PGM3: variants seen among roughly 807,000 people sequenced by gnomAD.
PGM3 encodes the protein phosphoacetylglucosamine mutase.
A neutral mutation model predicts 66.2 loss-of-function variants in PGM3; 40 were observed. That is an observed-to-expected ratio of 0.60 (90% CI 0.47 to 0.79). The LOEUF (loss-of-function observed/expected upper bound fraction) is 0.79, where lower values mean the gene tolerates loss of function less well. PGM3 is among the 30% of genes least tolerant of loss of function. PGM3 has a pLI of 0.00. For missense variants in PGM3, 537 were observed against 643.4 expected (o/e 0.83, Z 1.79); for synonymous variants, 191 against 224.2 (o/e 0.85, Z 1.32).
intron 9 of PGM3, among the ~76,000 whole-genome samples, 199 bp from the exon 10 acceptor site, chr6:83,174,686 AT>A (rs916780404): frequency 6.6e-6 from 1 of 152,178 alleles, no homozygotes; most frequent in Non-Finnish European, 1.5e-5. Flanking sequence ...GAAAAATTTT[AT>A]TTGCGGATTA....
intron 4 of PGM3, 42 bp from the exon 5 acceptor site, chr6:83,183,020 CAA>C (rs1473923421): frequency 1.3e-6 from 2 of 1,586,748 alleles, no homozygotes; most frequent in East Asian, 2.3e-5. Context: ...CATTTCTTAA[CAA>C]AGAGAAAAAA....
intron 4 of PGM3, among the ~76,000 whole-genome samples, chr6:83,185,911 C>A (rs1450609946): frequency 1.3e-5 from 2 of 152,106 alleles, no homozygotes; most frequent in Admixed American, 6.5e-5. Context: ...GAGGAGCCAA[C>A]AGAGAAGACC....
intron 8 of PGM3, among the ~76,000 whole-genome samples, chr6:83,178,113 G>A (rs1200665256): frequency 6.6e-6 from 1 of 152,104 alleles, no homozygotes; most frequent in East Asian, 1.9e-4. Context: ...TTTAACACTA[G>A]TCCTCAAATA....
At chr6:83,154,226 T>G in the PGM3 span, 1 of 1,613,764 alleles carries the variant, frequency 6.2e-7, no homozygotes, top group Non-Finnish European at 8.5e-7. Flanking sequence ...TAAAACAACA[T>G]TTAGAGATTT....
Position 83,166,216 on chromosome 6 carries a change from T to A in PGM3, c.*3018A>T, listed in dbSNP as rs2128456065. On this transcript the variant is annotated 3_prime_UTR_variant, in exon 13 of 13. Transcript: ENST00000513973. ...TTTCACCTTTTCAATTTGCTTCAAA[T>A]GCCGAACGACCATAAAATGGTCAAC... The A allele has an allele frequency of 2.0e-6, 1 of 509,404 alleles. No individual in the cohort carries two copies. Among genetic ancestry groups the A allele is most frequent in the East Asian group, 3.0e-5 (1 of 33,512 alleles). The allele number at this position is 509,404 out of a possible 1,614,324, so 31.6% of individuals were successfully genotyped here.
chr6:83,165,081 A>C lies in PGM3; in HGVS notation c.*4153T>G, dbSNP rs548782252. ...GGAAGTTAGCTATATAGAGGGTACA[A>C]GGATATTCATTTTCCTTCAGGACAA... On this transcript the variant is annotated 3_prime_UTR_variant, in exon 13 of 13. Coordinates refer to ENST00000513973, the MANE Select transcript of PGM3 (RefSeq NM_015599.3). 2 of 177,124 alleles carry C rather than the reference A, an allele frequency of 1.1e-5. No individual in the cohort carries two copies. Among genetic ancestry groups the C allele is most frequent in the East Asian group, 3.2e-4 (2 of 6,176 alleles). The allele number at this position is 177,124 out of a possible 1,614,324, so 11.0% of individuals were successfully genotyped here. A position where few individuals can be genotyped will look rare whatever the true frequency, so the allele number is the denominator to read the frequency against.
chr6:83,178,563 C>T (rs966296047), intron 8 of PGM3, 110 bp downstream of exon 8: 4 of 704,620 alleles, frequency 5.7e-6, no homozygotes, highest in Non-Finnish European at 1.0e-5. Context: ...ACATGAACAG[C>T]AGCTCAGCTT....
the PGM3 span, chr6:83,151,866 C>T: frequency 6.2e-7 from 1 of 1,611,920 alleles, no homozygotes. Context: ...CATAGTTGTT[C>T]TTCCTTATTT....
At chr6:83,191,134 C>T (rs1414992811) in intron 1 of PGM3, 120 bp from the exon 2 acceptor site, 38 of 1,472,338 alleles carry the variant, frequency 2.6e-5, no homozygotes, top group Non-Finnish European at 3.4e-5. Context: ...TCAAAGAACC[C>T]TATGTTTGAC....
downstream of PGM3, chr6:83,157,057 AGTTTT>A (rs1352216846): frequency 2.4e-6 from 2 of 832,906 alleles, no homozygotes; most frequent in Non-Finnish European, 3.6e-6. Flanking sequence ...TATCTACAAC[AGTTTT>A]GAATTTTTTT....
intron 3 of PGM3, among the ~76,000 whole-genome samples, chr6:83,187,816 A>T (rs1328710575): frequency 6.6e-6 from 1 of 152,220 alleles, no homozygotes; most frequent in Non-Finnish European, 1.5e-5. Flanking sequence ...AAAATAAAAA[A>T]TAATAAAAAA....
At chr6:83,150,103 G>A in the PGM3 span, among the ~76,000 whole-genome samples, 11 of 152,258 alleles carry the variant, frequency 7.2e-5, no homozygotes, top group South Asian at 2.1e-4. Flanking sequence ...AGCCACATGC[G>A]GTGGCTCATG....
the PGM3 span, among the ~76,000 whole-genome samples, chr6:83,149,237 G>C: frequency 6.6e-6 from 1 of 152,108 alleles, no homozygotes; most frequent in African/African-American, 2.4e-5. Context: ...AACAGCCTGG[G>C]AAAATTTTTC....
chr6:83,154,400 AC>A, the PGM3 span: 4 of 626,334 alleles, frequency 6.4e-6, no homozygotes, highest in Non-Finnish European at 1.1e-5. Flanking sequence ...TACTTTCTGT[AC>A]GCTATGGGAA....
At chr6:83,169,999 A>ATCAT (rs1368694830) in intron 12 of PGM3, among the ~76,000 whole-genome samples, 1 of 152,222 alleles carries the variant, frequency 6.6e-6, no homozygotes, top group African/African-American at 2.4e-5. Flanking sequence ...AGAGAAAAGG[A>ATCAT]TCATCTACCT....
rs926652932 is a variant in PGM3 at position 83,166,740 on chromosome 6, T to C, written c.*2494A>G. On this transcript the variant is annotated 3_prime_UTR_variant, in exon 13 of 13. Coordinates refer to ENST00000513973, the MANE Select transcript of PGM3 (RefSeq NM_015599.3). ...AATAAGCAATAAGCTTGAGAGCACA[T>C]AGAAGAAAATAAGCTGGATTTTGCA... 4 of 1,136,548 alleles carry C rather than the reference T, an allele frequency of 3.5e-6. No homozygotes were observed. The highest frequency in any genetic ancestry group is 4.8e-5 in the Admixed American group (1 of 20,768). 70.4% of individuals were successfully genotyped at this position (1,136,548 alleles called of 1,614,324 possible). A position where few individuals can be genotyped will look rare whatever the true frequency, so the allele number is the denominator to read the frequency against.
At chr6:83,174,563 C>T in intron 9 of PGM3, 76 bp from the exon 10 acceptor site, 3 of 672,130 alleles carry the variant, frequency 4.5e-6, no homozygotes, top group Non-Finnish European at 7.3e-6. Flanking sequence ...TTCTAGCTAA[C>T]CCACTTTTCC....
chr6:83,185,145 C>A (rs1451232139), intron 4 of PGM3, among the ~76,000 whole-genome samples: 1 of 152,168 alleles, frequency 6.6e-6, no homozygotes, highest in African/African-American at 2.4e-5. Flanking sequence ...GCAGGGTGAA[C>A]ATGAGACAGA....
At chr6:83,152,758 C>T in the PGM3 span, among the ~76,000 whole-genome samples, 8 of 151,966 alleles carry the variant, frequency 5.3e-5, no homozygotes, top group South Asian at 4.2e-4. Context: ...GTTGAGACTA[C>T]GGGTGTGTGC....
Sources: gnomAD v4.1 joint callset for allele counts (sites outside exome capture counted in the v4.1 genomes callset) on GRCh38, gnomAD v4.1.1 for gene constraint, MANE v1.5 for transcripts, NCBI Gene and HGNC (gene_info 2026-07-23, HGNC 2026-07-21) for gene names.